Variants in CCDC91 observed in about 807,000 individuals in gnomAD.
CCDC91 encodes the protein coiled-coil domain containing 91.
CCDC91 carries 48 observed loss-of-function variants against 63.2 expected under a neutral mutation model. The ratio of observed to expected loss-of-function variants is 0.76; its 90% CI spans 0.60 to 0.97. CCDC91 has a LOEUF of 0.97. Among genes scored for constraint, CCDC91 ranks in the 50% least tolerant of loss-of-function variants. The pLI is 0.00. For synonymous variants in CCDC91, 167 were observed against 165.8 expected (o/e 1.01, Z -0.06); for missense variants, 500 against 494.6 (o/e 1.01, Z -0.10).
intron 3 of CCDC91, among the ~76,000 whole-genome samples, chr12:28,279,519 C>T (rs956505413): frequency 1.1e-4 from 17 of 152,068 alleles, no homozygotes; most frequent in Non-Finnish European, 2.4e-4. Flanking sequence ...TTTCCTGACC[C>T]TGGGAAGGGA....
chr12:28,259,803 C>A (rs1293234992), intron 3 of CCDC91, among the ~76,000 whole-genome samples: 1 of 151,498 alleles, frequency 6.6e-6, no homozygotes, highest in Non-Finnish European at 1.5e-5. Flanking sequence ...TTTATCATCT[C>A]CAACATATTT....
intron 1 of CCDC91, among the ~76,000 whole-genome samples, chr12:28,251,336 G>C (rs1946105180): frequency 6.6e-6 from 1 of 151,998 alleles, no homozygotes; most frequent in Non-Finnish European, 1.5e-5. Flanking sequence ...GGTGTCTAGA[G>C]ATACAATCTT....
At chr12:28,475,472 C>G (rs910619300) in intron 11 of CCDC91, among the ~76,000 whole-genome samples, 3 of 152,042 alleles carry the variant, frequency 2.0e-5, no homozygotes, top group Admixed American at 6.6e-5. Context: ...AGGATTAAGA[C>G]TGTGAGATTT....
At chr12:28,343,323 TATTC>T (rs1431124343) in intron 6 of CCDC91, among the ~76,000 whole-genome samples, 1 of 151,846 alleles carries the variant, frequency 6.6e-6, no homozygotes, top group Non-Finnish European at 1.5e-5. Flanking sequence ...CAAGCACACA[TATTC>T]ATTCGCATAG....
At chr12:28,423,604 C>G (rs192436078) in intron 8 of CCDC91, among the ~76,000 whole-genome samples, 7 of 151,904 alleles carry the variant, frequency 4.6e-5, no homozygotes, top group Non-Finnish European at 1.0e-4. Context: ...TATTTTAAAA[C>G]GCTGGAATAG....
chr12:28,451,635 T>C (rs1270961747), intron 10 of CCDC91, among the ~76,000 whole-genome samples: 3 of 151,708 alleles, frequency 2.0e-5, no homozygotes, highest in Admixed American at 6.6e-5. Flanking sequence ...TGTAACTCAG[T>C]GAATCAATAT....
chr12:28,450,503 A>C, intron 10 of CCDC91, 85 bp downstream of exon 10: 1 of 971,702 alleles, frequency 1.0e-6, no homozygotes, highest in South Asian at 1.5e-5. Context: ...AATCTTTTAT[A>C]AAATGTTTCA....
At chr12:28,335,848 A>G (rs1941936204) in intron 6 of CCDC91, among the ~76,000 whole-genome samples, 1 of 150,776 alleles carries the variant, frequency 6.6e-6, no homozygotes, top group Non-Finnish European at 1.5e-5. Context: ...CTGTGTTACC[A>G]TATGTTTGGT....
At chr12:28,279,968 A>G (rs1948496884) in intron 3 of CCDC91, among the ~76,000 whole-genome samples, 1 of 152,166 alleles carries the variant, frequency 6.6e-6, no homozygotes, top group Non-Finnish European at 1.5e-5. Context: ...TATTTTAGAT[A>G]TAGCTCATAT....
At chr12:28,206,505 T>A (rs1453988150) in intron 1 of CCDC91, among the ~76,000 whole-genome samples, 4 of 152,128 alleles carry the variant, frequency 2.6e-5, no homozygotes, top group Non-Finnish European at 4.4e-5. Flanking sequence ...TACGGGAGGA[T>A]AATACCAAGG....
chr12:28,301,122 G>A (rs1266160627), intron 3 of CCDC91, among the ~76,000 whole-genome samples: 2 of 151,522 alleles, frequency 1.3e-5, no homozygotes. Flanking sequence ...AAGATAGAGA[G>A]TTAGTAGGCA....
At chr12:28,343,310 G>T (rs1394439713) in intron 6 of CCDC91, among the ~76,000 whole-genome samples, 1 of 151,836 alleles carries the variant, frequency 6.6e-6, no homozygotes, top group Non-Finnish European at 1.5e-5. Context: ...ATGTTCATAT[G>T]TGCAAGCACA....
chr12:28,206,021 G>A (rs11049460), intron 1 of CCDC91, among the ~76,000 whole-genome samples: 39,568 of 151,964 alleles, frequency 0.26, 5,378 homozygotes, highest in Non-Finnish European at 0.31. Context: ...TGCAAAGGTA[G>A]GAACAAGAGT....
chr12:28,279,620 T>A (rs1383519442), intron 3 of CCDC91, among the ~76,000 whole-genome samples: 2 of 152,136 alleles, frequency 1.3e-5, no homozygotes, highest in South Asian at 4.1e-4. Flanking sequence ...GACTCAACTT[T>A]TGGTCCTCCA....
chr12:28,443,147 G>T (rs74075354), intron 8 of CCDC91, among the ~76,000 whole-genome samples: 151,478 of 151,482 alleles, frequency 1, 75,737 homozygotes, highest in Middle Eastern at 1. Context: ...TTTTTCCCAG[G>T]TCTAGTTTAA....
In CCDC91 at chr12:28,259,464, GGT is replaced by G. The variant is rs1491553997; in HGVS notation, c.109+23_109+24del. ...GCAGGTATTGGTATCCAGGAATTAG[GGT>G]TTTTTTTTTTTTTTTTCCCATGTAA... On this transcript the variant is annotated intron_variant, in intron 3 of 12. Transcript: ENST00000536442. The G allele has an allele frequency of 2.2e-3, 2,422 of 1,091,146 alleles. 20 individuals carry two copies. The highest frequency in any genetic ancestry group is 3.2e-3 in the Admixed American group (139 of 42,852). 67.6% of individuals were successfully genotyped at this position (1,091,146 alleles called of 1,614,324 possible). A position where few individuals can be genotyped will look rare whatever the true frequency, so the allele number is the denominator to read the frequency against.
At chr12:28,527,693 A>G (rs1281677816) in intron 12 of CCDC91, among the ~76,000 whole-genome samples, 1 of 152,174 alleles carries the variant, frequency 6.6e-6, no homozygotes, top group Non-Finnish European at 1.5e-5. Context: ...TTCAGTTACC[A>G]GGGTGGTAGG....
chr12:28,322,727 AT>A (rs1400441841), intron 6 of CCDC91, among the ~76,000 whole-genome samples: 2 of 151,720 alleles, frequency 1.3e-5, no homozygotes, highest in African/African-American at 4.8e-5. Flanking sequence ...GATGCCTATA[AT>A]TTTATACTTT....
At chr12:28,515,937 A>G (rs1476878921) in intron 12 of CCDC91, among the ~76,000 whole-genome samples, 1 of 151,922 alleles carries the variant, frequency 6.6e-6, no homozygotes, top group Admixed American at 6.6e-5. Flanking sequence ...CTTTCTTGCC[A>G]TAAAGAACAT....
Sources: allele counts gnomAD v4.1 joint callset (sites outside exome capture counted in the v4.1 genomes callset), GRCh38; gene constraint gnomAD v4.1.1; transcripts MANE v1.5; gene names NCBI Gene and HGNC (gene_info 2026-07-23, HGNC 2026-07-21).